The following ATG7 variants were observed in gnomAD, a reference collection of about 807,000 sequenced individuals.
The protein encoded by ATG7 is ubiquitin-like modifier-activating enzyme ATG7.
ATG7 carries 70 observed loss-of-function variants against 82.4 expected under a neutral mutation model. That is an observed-to-expected ratio of 0.85 (90% CI 0.70 to 1.04). The LOEUF is 1.04. Ranked by LOEUF, ATG7 falls within the 50% of genes least tolerant of loss-of-function variation. The pLI, the probability that ATG7 is intolerant of heterozygous loss-of-function variation, is 0.00. For synonymous variants in ATG7, 287 were observed against 313.0 expected, an observed-to-expected ratio of 0.92 and a Z score of 0.88; for missense variants, 792 against 864.3, an observed-to-expected ratio of 0.92 and a Z score of 1.05.
At chr3:11,390,357 A>T (rs1455097639) in intron 19 of ATG7, among the ~76,000 whole-genome samples, 1 of 152,244 alleles carries the variant, frequency 6.6e-6, no homozygotes, top group African/African-American at 2.4e-5. Flanking sequence ...GCTCTATTGG[A>T]GGAGCAAGAG....
At chr3:11,412,900 G>A (rs955293222) in intron 19 of ATG7, among the ~76,000 whole-genome samples, 2 of 151,870 alleles carry the variant, frequency 1.3e-5, no homozygotes, top group Non-Finnish European at 2.9e-5. Flanking sequence ...AATTTTTATT[G>A]TATAAGTCTT....
In ATG7 at chr3:11,554,987, C is replaced by A; in HGVS notation, c.*144C>A. 1 of 1,009,536 alleles carries A rather than the reference C, an allele frequency of 9.9e-7. No homozygotes were observed. Among genetic ancestry groups the A allele is most frequent in the Non-Finnish European group, 1.4e-6 (1 of 709,142 alleles). The allele number at this position is 1,009,536 out of a possible 1,614,324, so 62.5% of individuals were successfully genotyped here. On this transcript the variant is annotated 3_prime_UTR_variant, in exon 21 of 21. Coordinates refer to ENST00000693202, the MANE Select transcript of ATG7 (RefSeq NM_001349232.2). ...GTCTGGGATTCCCCCCTCTGCTGCCCAGGAGTGGCCAGTGTTCGGCGTTGC... is the reference window on the plus strand; with the variant it reads ...GTCTGGGATTCCCCCCTCTGCTGCCAAGGAGTGGCCAGTGTTCGGCGTTGC...
rs190399585 is a variant in ATG7, at chr3:11,486,768, A to C, written c.2079+59842A>C. Among the ~76,000 whole-genome samples, 147 of 151,114 alleles carry C rather than the reference A, an allele frequency of 9.7e-4. 1 individual carries two copies. Among genetic ancestry groups the C allele is most frequent in the African/African-American group, 3.4e-3 (141 of 41,136 alleles). On this transcript the variant is annotated intron_variant, in intron 20 of 20. Coordinates refer to ENST00000693202, the MANE Select transcript of ATG7 (RefSeq NM_001349232.2). ...ATGAAGGGTTGTTGAATTTTGTCAA[A>C]GGCCTTTTTTGCATCTATTGAGATA...
At chr3:11,531,715 T>C (rs1244527739) in intron 20 of ATG7, among the ~76,000 whole-genome samples, 1 of 151,794 alleles carries the variant, frequency 6.6e-6, no homozygotes, top group Non-Finnish European at 1.5e-5. Flanking sequence ...TTGCAAAAAA[T>C]TAGCCAGGCA....
At chr3:11,417,780 A>T (rs2081493073) in intron 19 of ATG7, among the ~76,000 whole-genome samples, 1 of 131,468 alleles carries the variant, frequency 7.6e-6, no homozygotes. Flanking sequence ...ACCAGCATTT[A>T]AAAAATTATT....
At chr3:11,331,278 A>C (rs1158497672) in intron 9 of ATG7, 62 bp from the exon 10 acceptor site, 1 of 1,282,462 alleles carries the variant, frequency 7.8e-7, no homozygotes, top group African/African-American at 1.5e-5. Context: ...AGTATGAGCA[A>C]TGTCTGTATT....
chr3:11,374,640 T>C (rs2077256448), intron 18 of ATG7, among the ~76,000 whole-genome samples: 1 of 152,124 alleles, frequency 6.6e-6, no homozygotes, highest in Non-Finnish European at 1.5e-5. Flanking sequence ...GTGTGGTGGC[T>C]CACGCCTGTA....
Position 11,348,031 on chromosome 3 carries a change from G to T in ATG7, c.1280G>T (p.Gly427Val). ...AADRLQKIFP[G>V]VNARGFNMSI... ...GACCGGCTCCAGAAAATATTCCCCGGTGTGGTATGTTGTTGCTTTTGCAGA... is the reference window on the plus strand; with the variant it reads ...GACCGGCTCCAGAAAATATTCCCCGTTGTGGTATGTTGTTGCTTTTGCAGA... The change falls in exon 14 of 21, where the codon GGT becomes GTT. Residue 427 changes from glycine to valine, a missense_variant. By Grantham distance (109) the Gly-to-Val change is moderately radical (BLOSUM62 -3). Coordinates refer to ENST00000693202, the MANE Select transcript of ATG7 (RefSeq NM_001349232.2). The T allele has an allele frequency of 1.9e-6, 3 of 1,613,128 alleles. No homozygotes were observed. The highest frequency in any genetic ancestry group is 2.5e-6 in the Non-Finnish European group (3 of 1,179,340).
At chr3:11,442,741 A>C (rs1286872168) in intron 20 of ATG7, among the ~76,000 whole-genome samples, 1,249 of 117,756 alleles carry the variant, frequency 0.011, 45 homozygotes, top group African/African-American at 0.041. Flanking sequence ...CATCTCTACA[A>C]AAAAAAAAAA....
chr3:11,289,857 G>A (rs1263700049), intron 3 of ATG7, among the ~76,000 whole-genome samples: 1 of 151,664 alleles, frequency 6.6e-6, no homozygotes, highest in Admixed American at 6.5e-5. Flanking sequence ...ACTGCACTGG[G>A]CCTTTTTTTT....
chr3:11,412,500 C>T (rs1222200890), intron 19 of ATG7, among the ~76,000 whole-genome samples: 6 of 152,022 alleles, frequency 3.9e-5, no homozygotes, highest in Admixed American at 6.6e-5. Flanking sequence ...TATTCTGTTT[C>T]GTTGGTCTAT....
chr3:11,419,567 A>C (rs1427099885), intron 19 of ATG7, among the ~76,000 whole-genome samples: 3 of 152,150 alleles, frequency 2.0e-5, no homozygotes, highest in Non-Finnish European at 2.9e-5. Flanking sequence ...AACAAACAAA[A>C]AAAAACACAC....
At position 11,372,833 on chromosome 3, in the gene ATG7, T is replaced by TGTGC. The variant is rs746154728; in HGVS notation, c.1876-7127_1876-7124dup. Among the ~76,000 whole-genome samples, 78 of 122,898 alleles carry TGTGC rather than the reference T, an allele frequency of 6.3e-4. 1 individual carries two copies. In the East Asian group the frequency reaches 0.01, roughly 16 times the overall value. The allele number at this position is 122,898 out of a possible 152,430, so 80.6% of individuals were successfully genotyped here. ...GTGTGTGTGCGCGCGTGTGCGTGTG[T>TGTGC]GTGCGTGCGTGCGTGTGCGTGTGTG... On this transcript the variant is annotated intron_variant, in intron 18 of 20. Coordinates refer to ENST00000693202, the MANE Select transcript of ATG7 (RefSeq NM_001349232.2).
rs557413259 is a variant in ATG7, at chr3:11,536,503, G to T, written c.2080-18308G>T. 2.0e-5 allele frequency among the ~76,000 whole-genome samples: 3 copies of T among 152,312 alleles called. No individual in the cohort carries two copies. The East Asian group carries it at 5.8e-4, about 29-fold the overall frequency. On this transcript the variant is annotated intron_variant, in intron 20 of 20. Coordinates refer to ENST00000693202, the MANE Select transcript of ATG7 (RefSeq NM_001349232.2). Reference sequence around the variant, plus strand: ...TTTGGGTTAAGTTTGTGCCTTCCAGGCTGGGGAAGAAGCCAAAACTTCTGT... The same window carrying T: ...TTTGGGTTAAGTTTGTGCCTTCCAGTCTGGGGAAGAAGCCAAAACTTCTGT...
At chr3:11,455,639 T>G (rs923270966) in intron 20 of ATG7, among the ~76,000 whole-genome samples, 1 of 152,224 alleles carries the variant, frequency 6.6e-6, no homozygotes, top group Non-Finnish European at 1.5e-5. Flanking sequence ...CAGGAGCACT[T>G]GTAAGGCTGA....
rs1479238281 is a variant in ATG7 at position 11,347,959 on chromosome 3, T to A, written c.1208T>A (p.Phe403Tyr). 2 of 1,614,180 alleles carry A rather than the reference T, an allele frequency of 1.2e-6. No homozygotes were observed. The highest frequency in any genetic ancestry group is 2.2e-5 in the East Asian group (1 of 44,886). The change falls in exon 14 of 21, where the codon TTT (phenylalanine) becomes TAT (tyrosine). Residue 403 changes from phenylalanine to tyrosine, a missense_variant. By Grantham distance (22) the Phe-to-Tyr change is conservative (BLOSUM62 3). Transcript: ENST00000693202. ...CCTGTGAGGCAGCCTCTCTATGAGT[T>A]TGAAGATTGCCTAGGGGGTGGTAAG... Reference protein sequence around the residue: ...SNPVRQPLYEFEDCLGGGKPK... With the variant: ...SNPVRQPLYEYEDCLGGGKPK...
intron 5 of ATG7, among the ~76,000 whole-genome samples, chr3:11,303,018 A>G (rs1031111596): frequency 6.6e-6 from 1 of 152,362 alleles, no homozygotes; most frequent in South Asian, 2.1e-4. Context: ...CAAATAGCCC[A>G]GGGCTGCTGG....
chr3:11,558,259 G>T, downstream of ATG7: 2 of 480,064 alleles, frequency 4.2e-6, no homozygotes, highest in Non-Finnish European at 3.7e-6. Context: ...TCCTGGCCCC[G>T]TCGGGGCAGC....
rs547364392 is a variant in ATG7 at position 11,554,001 on chromosome 3, G to C, written c.2080-810G>C. Among the ~76,000 whole-genome samples the C allele has an allele frequency of 3.9e-5, 6 of 152,276 alleles. No individual in the cohort carries two copies. In the East Asian group the frequency reaches 1.2e-3, roughly 30 times the overall value. ...GGGACTGGCCCTCCAGGGAGCCCTG[G>C]GTGCCAGGGGCCCTGGGACCTGCTG... On this transcript the variant is annotated intron_variant, in intron 20 of 20. Coordinates refer to ENST00000693202, the MANE Select transcript of ATG7 (RefSeq NM_001349232.2).
Sources: allele counts gnomAD v4.1 joint callset (sites outside exome capture counted in the v4.1 genomes callset), GRCh38; gene constraint gnomAD v4.1.1; transcripts MANE v1.5; gene names NCBI Gene and HGNC (gene_info 2026-07-23, HGNC 2026-07-21).